The following CACNA1H variants were observed in gnomAD, a reference collection of about 807,000 sequenced individuals.
The protein encoded by CACNA1H is calcium voltage-gated channel subunit alpha1 H, also known as voltage-dependent T-type calcium channel subunit alpha-1H.
In CACNA1H, 149 loss-of-function variants were observed where a neutral mutation model predicts 192.5. That is an observed-to-expected ratio of 0.77 (90% CI 0.68 to 0.89). CACNA1H has a LOEUF of 0.89. CACNA1H is among the 40% of genes least tolerant of loss of function. The pLI is 0.00. For synonymous variants in CACNA1H, 2,202 were observed against 1,475.2 expected (o/e 1.49, Z -11.29); for missense variants, 4,257 against 3,423.5 (o/e 1.24, Z -6.08).
rs1970416192 is a variant in CACNA1H, at chr16:1,220,692, GCCT to G, written c.6764_6766del (p.Ser2255del). 12 of 1,611,006 alleles carry G rather than the reference GCCT, an allele frequency of 7.4e-6. No individual in the cohort carries two copies. Among genetic ancestry groups the G allele is most frequent in the Non-Finnish European group, 1.0e-5 (12 of 1,179,214 alleles). On this transcript the variant is annotated inframe_deletion, in exon 35 of 35. Transcript: ENST00000348261. ...AGCCAAGGGGGAGCGCTGGGGCCAG[GCCT>G]CCTGCCGGGCTGAGCACCTGACCGT... is the stretch of plus-strand genomic sequence containing the variant.
rs1175438683 is a variant in CACNA1H at position 1,180,022 on chromosome 16, A to G, written c.300-14950A>G. ...AGTGCTGGGATAACAGGCGTGAGCC[A>G]CCATGCCCGGCCCGGCCTTGTTTTT... On this transcript the variant is annotated intron_variant, in intron 2 of 34. Coordinates refer to ENST00000348261, the MANE Select transcript of CACNA1H (RefSeq NM_021098.3). This position sits in a 1 kb window ranked among gnomAD's most constrained non-coding sequence, Gnocchi z 4.4. Among the ~76,000 whole-genome samples, 2 of 152,206 alleles carry G rather than the reference A, an allele frequency of 1.3e-5. No individual in the cohort carries two copies. The highest frequency in any genetic ancestry group is 2.9e-5 in the Non-Finnish European group (2 of 68,028).
chr16:1,208,630 C>T (rs1036561815), intron 16 of CACNA1H, among the ~76,000 whole-genome samples: 4 of 152,146 alleles, frequency 2.6e-5, no homozygotes, highest in East Asian at 3.9e-4. Flanking sequence ...AGTTTTGAAA[C>T]GAACTCCAGG....
At position 1,153,984 on chromosome 16, in the gene CACNA1H, C is replaced by G; in HGVS notation, c.247C>G (p.Leu83Val). 6.9e-7 allele frequency: 1 copy of G among 1,442,434 alleles called. No homozygotes were observed. The highest frequency in any genetic ancestry group is 9.1e-7 in the Non-Finnish European group (1 of 1,097,482). 89.4% of individuals were successfully genotyped at this position (1,442,434 alleles called of 1,614,324 possible). A position where few individuals can be genotyped will look rare whatever the true frequency, so the allele number is the denominator to read the frequency against. The change falls in exon 2 of 35, where the codon CTC (leucine) becomes GTC (valine). Residue 83 changes from leucine to valine, a missense_variant. Leu to Val is a conservative substitution (Grantham distance 32, BLOSUM62 1). Transcript: ENST00000348261. ...CTTGGCGGCCACGGTCTTCTTCTGC[C>G]TCGGTCAGACCACGCGGCCGCGCAG... ...PALAATVFFC[L>V]GQTTRPRSWC...
At chr16:1,218,691 C>T (rs1367301930) in intron 33 of CACNA1H, 40 bp downstream of exon 33, 1 of 1,456,784 alleles carries the variant, frequency 6.9e-7, no homozygotes, top group Non-Finnish European at 9.2e-7. Flanking sequence ...GGGTGGGAAG[C>T]AGGACAGGGA....
intron 2 of CACNA1H, among the ~76,000 whole-genome samples, chr16:1,183,354 A>G (rs4984765): frequency 1 from 152,293 of 152,322 alleles, 76,132 homozygotes; most frequent in Middle Eastern, 1. Flanking sequence ...TCTCCCGAGG[A>G]AGGAGACGGG....
chr16:1,206,904 G>GCCCCCCCCC, intron 12 of CACNA1H, 97 bp from the exon 13 acceptor site: 2 of 293,812 alleles, frequency 6.8e-6, no homozygotes, highest in Admixed American at 4.5e-5. Context: ...AGCCAGTCCT[G>GCCCCCCCCC]CCCCTCCCTC....
chr16:1,170,397 C>T (rs1192851447), intron 2 of CACNA1H, among the ~76,000 whole-genome samples: 2 of 152,144 alleles, frequency 1.3e-5, no homozygotes, highest in Non-Finnish European at 2.9e-5. Flanking sequence ...TAACACTGGG[C>T]AGAAGCAGCT....
chr16:1,190,307 A>G (rs1017117183), intron 2 of CACNA1H, among the ~76,000 whole-genome samples: 2 of 152,260 alleles, frequency 1.3e-5, no homozygotes, highest in Non-Finnish European at 2.9e-5. Flanking sequence ...TTTTAATTAA[A>G]ACCCAGAAAA....
At chr16:1,199,824 C>T (rs191637376) in intron 6 of CACNA1H, among the ~76,000 whole-genome samples, 18 of 152,124 alleles carry the variant, frequency 1.2e-4, no homozygotes, top group Admixed American at 6.5e-4. Context: ...TCCCTCACCC[C>T]AGGCTTCCCT....
Position 1,153,485 on chromosome 16 carries a change from G to T in CACNA1H, c.-19+15G>T. The stretch of plus-strand genomic sequence containing the variant: ...AGCAGAGCGAGGTGAGACGCGGCGA[G>T]GACGCGCGCCCGGGACCCTCTTCAA... On this transcript the variant is annotated intron_variant, in intron 1 of 34. Coordinates refer to ENST00000348261, the MANE Select transcript of CACNA1H (RefSeq NM_021098.3). The T allele has an allele frequency of 4.2e-6, 1 of 237,540 alleles. No individual in the cohort carries two copies. The highest frequency in any genetic ancestry group is 8.0e-6 in the Non-Finnish European group (1 of 125,144). 14.7% of individuals were successfully genotyped at this position (237,540 alleles called of 1,614,324 possible).
At position 1,207,821 on chromosome 16, in the gene CACNA1H, G is replaced by A. The variant is rs140421233; in HGVS notation, c.3115G>A (p.Glu1039Lys). The change falls in exon 15 of 35, where the codon GAG becomes AAG. Residue 1039 changes from glutamate (E) to lysine (K), a missense_variant. Coordinates refer to ENST00000348261, the MANE Select transcript of CACNA1H (RefSeq NM_021098.3). ...TDEDKTSVHF[E>K]EDFHKLRELQ... ...CGAGGACAAGACGTCGGTCCACTTC[G>A]AGGAGGACTTCCACAAGCTCAGAGA... is the stretch of plus-strand genomic sequence containing the variant. The A allele has an allele frequency of 2.1e-4, 343 of 1,602,074 alleles. 2 individuals are homozygous for A. In the African/African-American group the frequency reaches 3.4e-3, roughly 16 times the overall value.
intron 2 of CACNA1H, among the ~76,000 whole-genome samples, chr16:1,175,366 G>T (rs934311428): frequency 2.0e-5 from 3 of 152,146 alleles, no homozygotes; most frequent in Non-Finnish European, 4.4e-5. Context: ...TGGTAGTTTT[G>T]CATTATACAG....
At chr16:1,216,767 G>T (rs1970058932) in intron 30 of CACNA1H, among the ~76,000 whole-genome samples, 165 bp from the exon 31 acceptor site, 1 of 150,472 alleles carries the variant, frequency 6.6e-6, no homozygotes, top group Admixed American at 6.6e-5. Context: ...AGGAACAGGG[G>T]TCCCCGCCCA....
chr16:1,170,285 C>T (rs761168293), intron 2 of CACNA1H, among the ~76,000 whole-genome samples: 3 of 152,328 alleles, frequency 2.0e-5, no homozygotes, highest in Admixed American at 6.5e-5. Context: ...CCCACGCCTT[C>T]GGGCCTTTCC....
At chr16:1,196,055 C>T (rs575123499) in intron 5 of CACNA1H, 32 bp downstream of exon 5, 143 of 1,556,386 alleles carry the variant, frequency 9.2e-5, no homozygotes, top group Non-Finnish European at 1.2e-4. Flanking sequence ...GGCTTGAGAT[C>T]AACAGGCTTG....
chr16:1,172,902 C>T (rs1022246716), intron 2 of CACNA1H, among the ~76,000 whole-genome samples: 10 of 151,776 alleles, frequency 6.6e-5, no homozygotes, highest in African/African-American at 2.4e-4. Context: ...TGGGGACTCT[C>T]GCAGTCACTG....
rs562574863 is a variant in CACNA1H at position 1,181,282 on chromosome 16, A to G, written c.300-13690A>G. Among the ~76,000 whole-genome samples the G allele has an allele frequency of 1.1e-4, 16 of 152,354 alleles. No homozygotes were observed. In the South Asian group the frequency reaches 3.1e-3, roughly 30 times the overall value. On this transcript the variant is annotated intron_variant, in intron 2 of 34. Transcript: ENST00000348261. ...CAGAGGAGAGGAGCTCTCACCCGGC[A>G]TGGCCGGCCCCTCCACCTCCCACTC... is the stretch of plus-strand genomic sequence containing the variant.
chr16:1,200,712 C>G lies in CACNA1H; in HGVS notation c.1120-4C>G, dbSNP rs765058001. The G allele has an allele frequency of 3.8e-6, 6 of 1,565,556 alleles. No individual in the cohort carries two copies. Among genetic ancestry groups the G allele is most frequent in the Non-Finnish European group, 3.5e-6 (4 of 1,155,352 alleles). ...GGGCCCAAGTCAAGCCACTGCCCCCCCAGGTGATCACGCTGGAAGGCTGGG... is the reference window on the plus strand; with the variant it reads ...GGGCCCAAGTCAAGCCACTGCCCCCGCAGGTGATCACGCTGGAAGGCTGGG... On this transcript the variant is annotated splice_polypyrimidine_tract_variant and splice_region_variant and intron_variant, in intron 7 of 34. Transcript: ENST00000348261.
rs766550849 is a variant in CACNA1H at position 1,214,995 on chromosome 16, C to T, written c.4953C>T (p.Tyr1651=). 11 of 1,611,592 alleles carry T rather than the reference C, an allele frequency of 6.8e-6. No homozygotes were observed. The highest frequency in any genetic ancestry group is 3.3e-5 in the South Asian group (3 of 90,532). Residue 1651 remains tyrosine (Y), a synonymous_variant, in exon 28 of 35, where the codon TAC becomes TAT. Coordinates refer to ENST00000348261, the MANE Select transcript of CACNA1H (RefSeq NM_021098.3). ...AGTCGCTGGACGAGGCCCTCAAGTACTGCAACTACGTCTTCACCATCGTGT... is the reference window on the plus strand; with the variant it reads ...AGTCGCTGGACGAGGCCCTCAAGTATTGCAACTACGTCTTCACCATCGTGT... ...QPKSLDEALK[Y]CNYVFTIVFV...
Sources: gnomAD v4.1 joint callset for allele counts (sites outside exome capture counted in the v4.1 genomes callset) on GRCh38, gnomAD v4.1.1 for gene constraint, Gnocchi (gnomAD v3.1) non-coding constraint, MANE v1.5 for transcripts, NCBI Gene and HGNC (gene_info 2026-07-23, HGNC 2026-07-21) for gene names.